FLRT1: variants seen among roughly 807,000 people sequenced by gnomAD.
The protein encoded by FLRT1 is leucine-rich repeat transmembrane protein FLRT1.
In FLRT1, 14 loss-of-function variants were observed where a neutral mutation model predicts 30.9. The observed-to-expected ratio is 0.45, with a 90% CI of 0.30 to 0.71. The LOEUF is 0.71. Among genes scored for constraint, FLRT1 ranks in the 30% least tolerant of loss-of-function variants. The probability of loss-of-function intolerance (pLI) is 0.08; values close to 1 mark genes in which losing one functional copy is unlikely to be tolerated. For synonymous variants in FLRT1, 368 were observed against 430.4 expected (o/e 0.85, Z 1.80); for missense variants, 737 against 949.2 (o/e 0.78, Z 2.94).
intron 1 of FLRT1, among the ~76,000 whole-genome samples, chr11:64,053,027 C>A (rs1943722346): frequency 6.6e-6 from 1 of 152,244 alleles, no homozygotes; most frequent in African/African-American, 2.4e-5. Context: ...CCCGGGCTCT[C>A]AACTGCAGCC....
chr11:64,073,704 G>C lies in FLRT1; in HGVS notation c.-1037-29490G>C, dbSNP rs189097782. On this transcript the variant is annotated intron_variant, in intron 1 of 2. Transcript: ENST00000682287. ...ATGGCATGCGAGAGTGTGCGTGCGC[G>C]TGGGTTCTCGCCTCCCAAACACACT... 7.7e-4 allele frequency among the ~76,000 whole-genome samples: 118 copies of C among 152,342 alleles called. 1 individual carries two copies. The highest frequency in any genetic ancestry group is 2.7e-3 in the African/African-American group (114 of 41,578).
At chr11:64,088,629 C>T (rs921087145) in intron 1 of FLRT1, among the ~76,000 whole-genome samples, 17 of 152,298 alleles carry the variant, frequency 1.1e-4, no homozygotes, top group African/African-American at 4.1e-4. Context: ...CATCAGCACA[C>T]ACCACCAGGC....
chr11:64,038,711 C>G (rs1943429436), intron 1 of FLRT1, among the ~76,000 whole-genome samples: 1 of 152,162 alleles, frequency 6.6e-6, no homozygotes, highest in Middle Eastern at 3.2e-3. Context: ...CTGTGTGGGT[C>G]TGGCTGTGCT....
At chr11:64,078,355 G>A (rs756027176) in intron 1 of FLRT1, among the ~76,000 whole-genome samples, 13 of 152,210 alleles carry the variant, frequency 8.5e-5, no homozygotes, top group Non-Finnish European at 1.5e-4. Context: ...TCCCTGGCCC[G>A]TCTGCGTTCA....
intron 1 of FLRT1, among the ~76,000 whole-genome samples, chr11:64,079,751 T>G (rs781335215): frequency 3.3e-5 from 5 of 151,850 alleles, no homozygotes; most frequent in African/African-American, 4.8e-5. Context: ...CAGAGAAATG[T>G]GGAGTGGAGG....
chr11:64,058,378 C>T (rs1943831467), intron 1 of FLRT1, among the ~76,000 whole-genome samples: 1 of 152,218 alleles, frequency 6.6e-6, no homozygotes, highest in Admixed American at 6.5e-5. Flanking sequence ...TTAGTCTGGA[C>T]AGTCACCTGC....
At chr11:64,097,368 A>G (rs1284101056) in intron 1 of FLRT1, among the ~76,000 whole-genome samples, 3 of 152,170 alleles carry the variant, frequency 2.0e-5, no homozygotes, top group African/African-American at 7.2e-5. Flanking sequence ...ATGTGAAGGG[A>G]AGGAAGGAAG....
intron 1 of FLRT1, among the ~76,000 whole-genome samples, chr11:64,051,247 C>T (rs147049779): frequency 0.015 from 2,274 of 152,324 alleles, 51 homozygotes; most frequent in African/African-American, 0.052. Context: ...CCTTACCCCA[C>T]GTAGGTGCCC....
intron 2 of FLRT1, among the ~76,000 whole-genome samples, chr11:64,114,626 G>T (rs908644548): frequency 5.9e-5 from 9 of 151,582 alleles, no homozygotes; most frequent in African/African-American, 2.2e-4. Context: ...TGGATGGACA[G>T]GTGCATGCAT....
chr11:64,077,583 A>G (rs1944225818), intron 1 of FLRT1, among the ~76,000 whole-genome samples: 1 of 152,156 alleles, frequency 6.6e-6, no homozygotes, highest in Admixed American at 6.5e-5. Flanking sequence ...GCACATGTGC[A>G]CACATTCCAC....
chr11:64,082,937 T>G lies in FLRT1; in HGVS notation c.-1037-20257T>G, dbSNP rs1193152468. The G allele has an allele frequency of 1.3e-5, 2 of 152,562 alleles. No individual in the cohort carries two copies. Among genetic ancestry groups the G allele is most frequent in the Non-Finnish European group, 2.9e-5 (2 of 68,250 alleles). 9.5% of individuals were successfully genotyped at this position (152,562 alleles called of 1,614,324 possible). ...TCCCTGCCCTGACCTCTCTCTGCCT[T>G]CCTTCCTCGTCACAGCAGCTGCCGT... On this transcript the variant is annotated intron_variant, in intron 1 of 2. Transcript: ENST00000682287. This position sits in a 1 kb window ranked among gnomAD's most constrained non-coding sequence, Gnocchi z 4.5.
chr11:64,053,996 G>C (rs975452762), intron 1 of FLRT1, among the ~76,000 whole-genome samples: 21 of 152,306 alleles, frequency 1.4e-4, no homozygotes, highest in African/African-American at 5.1e-4. Flanking sequence ...TCTGCACTGT[G>C]ATCTAGTTGA....
chr11:64,085,415 CG>C (rs1216565697), intron 1 of FLRT1, among the ~76,000 whole-genome samples: 1 of 152,156 alleles, frequency 6.6e-6, no homozygotes, highest in Non-Finnish European at 1.5e-5. Context: ...GGACGGAGGG[CG>C]GGGGAGACTG....
intron 1 of FLRT1, among the ~76,000 whole-genome samples, chr11:64,086,397 G>A (rs1299879786): frequency 6.6e-6 from 1 of 151,988 alleles, no homozygotes; most frequent in Non-Finnish European, 1.5e-5. Context: ...CGAGCTCAGA[G>A]GATGGAACAT....
chr11:64,078,098 G>A (rs950277990), intron 1 of FLRT1, among the ~76,000 whole-genome samples: 5 of 152,150 alleles, frequency 3.3e-5, no homozygotes, highest in Admixed American at 6.5e-5. Context: ...ACTGCCCTGC[G>A]CACCTGCCGG....
intron 2 of FLRT1, among the ~76,000 whole-genome samples, chr11:64,112,632 T>C (rs186182584): frequency 6.6e-6 from 1 of 152,324 alleles, no homozygotes; most frequent in Non-Finnish European, 1.5e-5. Context: ...TAATTCTCGA[T>C]AGGGTGCCCA....
chr11:64,044,432 A>C (rs1943546676), intron 1 of FLRT1, among the ~76,000 whole-genome samples: 1 of 152,086 alleles, frequency 6.6e-6, no homozygotes. Context: ...TTAATTTGGC[A>C]GAGACAGGGT....
Position 64,090,943 on chromosome 11 carries a change from T to C in FLRT1, c.-1037-12251T>C, listed in dbSNP as rs1944478937. Among the ~76,000 whole-genome samples, 2 of 151,552 alleles carry C rather than the reference T, an allele frequency of 1.3e-5. No individual in the cohort carries two copies. The highest frequency in any genetic ancestry group is 1.3e-4 in the Admixed American group (2 of 15,236). ...GTTTGGTCTGCCCTGTAGGGGGCACTGGCAGAATCTGCAGCACTGACCTCT... is the reference window on the plus strand; with the variant it reads ...GTTTGGTCTGCCCTGTAGGGGGCACCGGCAGAATCTGCAGCACTGACCTCT... On this transcript the variant is annotated intron_variant, in intron 1 of 2. Transcript: ENST00000682287. The surrounding 1 kb of genome is among the most constrained non-coding windows in gnomAD (Gnocchi z 4.7).
chr11:64,058,758 G>T (rs1468672879), intron 1 of FLRT1, among the ~76,000 whole-genome samples: 1 of 152,258 alleles, frequency 6.6e-6, no homozygotes, highest in Admixed American at 6.5e-5. Context: ...GCAGCTTCTA[G>T]GGTGGCCAGA....
Sources: allele counts gnomAD v4.1 joint callset (sites outside exome capture counted in the v4.1 genomes callset), GRCh38; gene constraint gnomAD v4.1.1; non-coding constraint Gnocchi (gnomAD v3.1); transcripts MANE v1.5; gene names NCBI Gene and HGNC (gene_info 2026-07-23, HGNC 2026-07-21).